EYS: variants seen among roughly 807,000 people sequenced by gnomAD.
EYS encodes the protein EGF-like photoreceptor maintenance factor.
EYS carries 250 observed loss-of-function variants against 282.1 expected under a neutral mutation model. That is an observed-to-expected ratio of 0.89 (90% CI 0.80 to 0.98). The LOEUF is 0.98. Ranked by LOEUF, EYS falls within the 50% of genes least tolerant of loss-of-function variation. The pLI, the probability that EYS is intolerant of heterozygous loss-of-function variation, is 0.00. For missense variants in EYS, 4,016 were observed against 3,709.0 expected, an observed-to-expected ratio of 1.08 and a Z score of -2.15; for synonymous variants, 1,355 against 1,282.9, an observed-to-expected ratio of 1.06 and a Z score of -1.20.
chr6:64,807,903 A>G (rs1277883133), intron 22 of EYS, among the ~76,000 whole-genome samples: 4 of 151,984 alleles, frequency 2.6e-5, no homozygotes, highest in Middle Eastern at 3.2e-3. Context: ...TAAGGAGACT[A>G]TATGTCAGTG....
intron 12 of EYS, among the ~76,000 whole-genome samples, chr6:65,144,745 T>A (rs1764434509): frequency 1.3e-5 from 2 of 151,628 alleles, no homozygotes; most frequent in African/African-American, 4.8e-5. Flanking sequence ...AAGAACAGAG[T>A]TATTTTACCC....
intron 2 of EYS, among the ~76,000 whole-genome samples, chr6:65,630,597 T>G (rs1195288977): frequency 6.6e-6 from 1 of 152,212 alleles, no homozygotes; most frequent in Non-Finnish European, 1.5e-5. Context: ...AACAAATACA[T>G]TTGACAGAAC....
chr6:64,741,231 A>G (rs1772359911), intron 22 of EYS, among the ~76,000 whole-genome samples: 1 of 152,152 alleles, frequency 6.6e-6, no homozygotes. Flanking sequence ...ATATTCTTGT[A>G]CATCTCCATC....
intron 22 of EYS, among the ~76,000 whole-genome samples, chr6:64,669,919 G>T (rs1048884067): frequency 6.6e-6 from 1 of 152,150 alleles, no homozygotes; most frequent in Non-Finnish European, 1.5e-5. Context: ...TAGATAGGTT[G>T]TTTAAGTTCC....
intron 15 of EYS, among the ~76,000 whole-genome samples, chr6:64,938,944 A>G (rs535245397): frequency 4.6e-5 from 7 of 151,710 alleles, no homozygotes; most frequent in African/African-American, 1.7e-4. Flanking sequence ...GTAAAGGGGG[A>G]CTATTGTACT....
At chr6:64,241,386 G>A (rs555128800) in intron 30 of EYS, among the ~76,000 whole-genome samples, 1 of 152,046 alleles carries the variant, frequency 6.6e-6, no homozygotes, top group Non-Finnish European at 1.5e-5. Flanking sequence ...GACTTTTTTT[G>A]GTTGGTAGCT....
chr6:65,042,914 T>G (rs1269151618), intron 13 of EYS, among the ~76,000 whole-genome samples: 1 of 151,464 alleles, frequency 6.6e-6, no homozygotes, highest in African/African-American at 2.4e-5. Context: ...GGCTAACATT[T>G]TAATTTATTT....
chr6:64,762,483 G>A (rs1337589085), intron 22 of EYS, among the ~76,000 whole-genome samples: 1 of 152,182 alleles, frequency 6.6e-6, no homozygotes, highest in East Asian at 1.9e-4. Context: ...TGAGAGTGAT[G>A]TAACAGGAAA....
intron 31 of EYS, among the ~76,000 whole-genome samples, chr6:64,151,309 GTGTATATT>G (rs1417753655): frequency 5.6e-5 from 5 of 89,760 alleles, no homozygotes; most frequent in African/African-American, 1.1e-4. Flanking sequence ...ACGTGTGTGT[GTGTATATT>G]TATATATATA....
intron 2 of EYS, among the ~76,000 whole-genome samples, chr6:65,581,100 CAT>C (rs201970686): frequency 0.011 from 1,642 of 152,102 alleles, 24 homozygotes; most frequent in African/African-American, 0.025. Context: ...GAAATTAATA[CAT>C]GTTATTAATG....
intron 21 of EYS, among the ~76,000 whole-genome samples, chr6:64,817,462 G>C (rs1764770941): frequency 6.6e-6 from 1 of 152,104 alleles, no homozygotes; most frequent in Admixed American, 6.6e-5. Flanking sequence ...CACACTCAGA[G>C]AAACACAAAT....
intron 15 of EYS, among the ~76,000 whole-genome samples, chr6:64,914,327 T>G (rs1768098253): frequency 6.6e-6 from 1 of 152,126 alleles, no homozygotes; most frequent in Admixed American, 6.5e-5. Context: ...AACTTTACTA[T>G]TATGCAAGTT....
chr6:64,348,041 T>C (rs1169761921), intron 29 of EYS, among the ~76,000 whole-genome samples: 2 of 151,426 alleles, frequency 1.3e-5, no homozygotes, highest in African/African-American at 4.8e-5. Flanking sequence ...TATTTTAATA[T>C]TTAAAATTTT....
Position 64,924,726 on chromosome 6 carries a change from A to T in EYS, c.2382-11983T>A, listed in dbSNP as rs182948565. Among the ~76,000 whole-genome samples, 71 of 152,256 alleles carry T rather than the reference A, an allele frequency of 4.7e-4. 2 individuals are homozygous for T. The highest frequency in any genetic ancestry group is 1.7e-3 in the African/African-American group (69 of 41,544). On this transcript the variant is annotated intron_variant, in intron 15 of 42. Coordinates refer to ENST00000503581, the MANE Select transcript of EYS (RefSeq NM_001142800.2). Reference sequence around the variant, plus strand: ...CACAAATCTCTAGGGCAGGGGCAAAATTCCACCAGTCTCTTTGCTAAAACA... The same window carrying T: ...CACAAATCTCTAGGGCAGGGGCAAATTTCCACCAGTCTCTTTGCTAAAACA...
chr6:64,500,010 G>T (rs1444860160), intron 26 of EYS, among the ~76,000 whole-genome samples: 2 of 151,970 alleles, frequency 1.3e-5, no homozygotes, highest in African/African-American at 4.8e-5. Context: ...GATAAAGAGG[G>T]CTTAAAAATC....
intron 12 of EYS, among the ~76,000 whole-genome samples, chr6:65,100,473 A>C (rs1244136117): frequency 6.6e-6 from 1 of 150,908 alleles, no homozygotes; most frequent in Non-Finnish European, 1.5e-5. Flanking sequence ...ACATATTGCT[A>C]TAATTGAGTA....
intron 31 of EYS, among the ~76,000 whole-genome samples, chr6:64,106,964 C>T (rs769398692): frequency 3.3e-5 from 5 of 151,638 alleles, no homozygotes; most frequent in Admixed American, 2.0e-4. Flanking sequence ...CTACTAAGCC[C>T]ATAATGGCAT....
chr6:65,471,792 T>C (rs1024188740), intron 5 of EYS, among the ~76,000 whole-genome samples: 2 of 152,166 alleles, frequency 1.3e-5, no homozygotes, highest in African/African-American at 4.8e-5. Flanking sequence ...ATTCTATTTC[T>C]AATAAAATAT....
intron 26 of EYS, among the ~76,000 whole-genome samples, chr6:64,497,768 G>A (rs1370105425): frequency 6.6e-6 from 1 of 152,114 alleles, no homozygotes; most frequent in Non-Finnish European, 1.5e-5. Flanking sequence ...AGTGATTAAT[G>A]ATGCTGTTTT....
Sources: gnomAD v4.1 joint callset for allele counts (sites outside exome capture counted in the v4.1 genomes callset) on GRCh38, gnomAD v4.1.1 for gene constraint, MANE v1.5 for transcripts, NCBI Gene and HGNC (gene_info 2026-07-23, HGNC 2026-07-21) for gene names.